SYN3: variants seen among roughly 807,000 people sequenced by gnomAD.
The protein encoded by SYN3 is synapsin-3.
Under a neutral mutation model 65.8 loss-of-function variants are expected in SYN3, and 35 were observed. The observed-to-expected ratio is 0.53, with a 90% confidence interval of 0.41 to 0.70. SYN3 has a LOEUF of 0.70. SYN3 is among the 30% of genes least tolerant of loss of function. The pLI, the probability that SYN3 is intolerant of heterozygous loss-of-function variation, is 0.00. For missense variants in SYN3, 680 were observed against 749.0 expected, an observed-to-expected ratio of 0.91 and a Z score of 1.08; for synonymous variants, 270 against 292.9, an observed-to-expected ratio of 0.92 and a Z score of 0.80.
At chr22:32,552,682 A>C (rs2058435152) in intron 7 of SYN3, among the ~76,000 whole-genome samples, 2 of 152,156 alleles carry the variant, frequency 1.3e-5, no homozygotes, top group South Asian at 4.1e-4. Context: ...CAGTCTCCCT[A>C]AGAGGAAAAA....
chr22:32,992,979 C>G (rs1376201729), intron 2 of SYN3, among the ~76,000 whole-genome samples: 1 of 152,168 alleles, frequency 6.6e-6, no homozygotes, highest in African/African-American at 2.4e-5. Flanking sequence ...AGCAAGCCTT[C>G]TTTTTGTGCA....
intron 7 of SYN3, among the ~76,000 whole-genome samples, chr22:32,552,422 T>C (rs79493824): frequency 6.9e-6 from 1 of 145,742 alleles, no homozygotes; most frequent in Non-Finnish European, 1.5e-5. Context: ...AGGTTTTTCT[T>C]TTTTTTTTCT....
intron 6 of SYN3, among the ~76,000 whole-genome samples, chr22:32,700,758 G>A (rs2060800802): frequency 6.6e-6 from 1 of 152,172 alleles, no homozygotes; most frequent in Non-Finnish European, 1.5e-5. Context: ...CATGTAATAG[G>A]AAGCAGCCTC....
chr22:32,592,066 G>C (rs1294899112), intron 7 of SYN3, among the ~76,000 whole-genome samples: 2 of 152,212 alleles, frequency 1.3e-5, no homozygotes, highest in African/African-American at 2.4e-5. Flanking sequence ...TAGGTATGTA[G>C]AGGAATAATG....
At chr22:32,853,135 T>G (rs917055904) in intron 6 of SYN3, among the ~76,000 whole-genome samples, 1 of 152,292 alleles carries the variant, frequency 6.6e-6, no homozygotes, top group African/African-American at 2.4e-5. Flanking sequence ...CCTTTGAAGC[T>G]CTAGCTGGAA....
Position 32,964,121 on chromosome 22 carries a change from G to A in SYN3, c.369+16524C>T, listed in dbSNP as rs144113668. Among the ~76,000 whole-genome samples the A allele has an allele frequency of 3.9e-3, 595 of 152,112 alleles. 3 individuals carry two copies. The highest frequency in any genetic ancestry group is 0.014 in the African/African-American group (569 of 41,498). The stretch of plus-strand genomic sequence containing the variant: ...ATTAGCTCACGACATGAACCTCAGG[G>A]CTGTTGCTTAGGGAAGAAAGGAAGG... On this transcript the variant is annotated intron_variant, in intron 3 of 13. Transcript: ENST00000358763.
At chr22:32,518,533 G>T in intron 12 of SYN3, 199 bp from the exon 13 acceptor site, 1 of 729,814 alleles carries the variant, frequency 1.4e-6, no homozygotes, top group Non-Finnish European at 2.4e-6. Context: ...ATATGCTGTG[G>T]TCATCACATA....
At chr22:32,587,746 C>T (rs529601540) in intron 7 of SYN3, among the ~76,000 whole-genome samples, 48 of 152,230 alleles carry the variant, frequency 3.2e-4, no homozygotes, top group African/African-American at 9.9e-4. Context: ...AAGATGCTGG[C>T]GCTGCTGGAA....
intron 4 of SYN3, among the ~76,000 whole-genome samples, chr22:32,900,447 TA>T (rs2049726052): frequency 1.3e-5 from 2 of 152,228 alleles, no homozygotes; most frequent in Non-Finnish European, 2.9e-5. Flanking sequence ...GTTCATTCAA[TA>T]AACATTTATT....
chr22:32,627,931 T>G (rs2059692680), intron 6 of SYN3, among the ~76,000 whole-genome samples: 1 of 152,058 alleles, frequency 6.6e-6, no homozygotes, highest in African/African-American at 2.4e-5. Context: ...CGGGTTCAAG[T>G]GATTCTCCGG....
chr22:32,918,617 G>C (rs2050251252), intron 4 of SYN3, among the ~76,000 whole-genome samples: 1 of 152,202 alleles, frequency 6.6e-6, no homozygotes, highest in Non-Finnish European at 1.5e-5. Context: ...GCATAGTTGG[G>C]CCTAGAGAGT....
rs968418846 is a variant in SYN3 at position 32,751,485 on chromosome 22, C to T, written c.711+113430G>A. Among the ~76,000 whole-genome samples the T allele has an allele frequency of 3.9e-5, 6 of 152,216 alleles. No individual in the cohort carries two copies. In the South Asian group the frequency reaches 6.2e-4, roughly 16 times the overall value. On this transcript the variant is annotated intron_variant, in intron 6 of 13. Coordinates refer to ENST00000358763, the MANE Select transcript of SYN3 (RefSeq NM_003490.4). ...AGGTGCGGGTGGTCATGGGAGAGAT[C>T]GGGGGACAGCTCTCTTGGGCAAGGT...
rs1291719587 is a variant in SYN3, at chr22:32,655,424, G to T, written c.712-58688C>A. ...CCCCTTGGCCACAGACTGTGGCCTT[G>T]GTACCAATCTGTGACCTGTTAGGAA... On this transcript the variant is annotated intron_variant, in intron 6 of 13. Coordinates refer to ENST00000358763, the MANE Select transcript of SYN3 (RefSeq NM_003490.4). Among the ~76,000 whole-genome samples the T allele has an allele frequency of 3.9e-5, 6 of 152,192 alleles. No individual in the cohort carries two copies. In the East Asian group the frequency reaches 1.2e-3, roughly 29 times the overall value.
chr22:32,674,931 T>C (rs2060419639), intron 6 of SYN3, among the ~76,000 whole-genome samples: 1 of 152,208 alleles, frequency 6.6e-6, no homozygotes. Flanking sequence ...GAGATCCTGA[T>C]ATGATTATAG....
At position 32,533,777 on chromosome 22, in the gene SYN3, C is replaced by T; in HGVS notation, c.1095+16G>A. The T allele has an allele frequency of 6.3e-7, 1 of 1,595,666 alleles. No homozygotes were observed. Among genetic ancestry groups the T allele is most frequent in the East Asian group, 2.2e-5 (1 of 44,678 alleles). The stretch of plus-strand genomic sequence containing the variant: ...AGGCTGGACCAGCCAGGAGGACTCC[C>T]TGCTTCATCCCTCACCTCGATGATG... On this transcript the variant is annotated intron_variant, in intron 10 of 13. Coordinates refer to ENST00000358763, the MANE Select transcript of SYN3 (RefSeq NM_003490.4).
At chr22:32,990,193 C>A (rs906491194) in intron 2 of SYN3, among the ~76,000 whole-genome samples, 1 of 152,154 alleles carries the variant, frequency 6.6e-6, no homozygotes, top group African/African-American at 2.4e-5. Context: ...GAAAGTGGAG[C>A]CTGTCAAGGT....
intron 8 of SYN3, among the ~76,000 whole-genome samples, chr22:32,538,887 G>A (rs1402249933): frequency 6.6e-6 from 1 of 152,058 alleles, no homozygotes; most frequent in Admixed American, 6.5e-5. Context: ...GAATCCTGAC[G>A]GTAGGGGACA....
At chr22:32,895,550 G>A (rs1180285673) in intron 4 of SYN3, among the ~76,000 whole-genome samples, 2 of 152,164 alleles carry the variant, frequency 1.3e-5, no homozygotes, top group Non-Finnish European at 2.9e-5. Context: ...CCTGATCCTT[G>A]ACAGCAAACC....
At chr22:32,641,170 C>T (rs1031963766) in intron 6 of SYN3, among the ~76,000 whole-genome samples, 5 of 152,192 alleles carry the variant, frequency 3.3e-5, no homozygotes, top group East Asian at 1.9e-4. Flanking sequence ...GATTAAATTA[C>T]AGGCAGTCAG....
Sources: allele counts gnomAD v4.1 joint callset (sites outside exome capture counted in the v4.1 genomes callset), GRCh38; gene constraint gnomAD v4.1.1; transcripts MANE v1.5; gene names NCBI Gene and HGNC (gene_info 2026-07-23, HGNC 2026-07-21).